TIAM1: variants seen among roughly 807,000 people sequenced by gnomAD.
The protein encoded by TIAM1 is rho guanine nucleotide exchange factor TIAM1.
A neutral mutation model predicts 163.5 loss-of-function variants in TIAM1; 65 were observed. The ratio of observed to expected loss-of-function variants is 0.40; its 90% CI spans 0.33 to 0.49. The LOEUF is 0.49. Among genes scored for constraint, TIAM1 ranks in the 20% least tolerant of loss-of-function variants. The pLI is 0.77. For missense variants in TIAM1, 1,789 were observed against 2,044.7 expected (o/e 0.87, Z 2.41); for synonymous variants, 833 against 810.1 (o/e 1.03, Z -0.48).
intron 15 of TIAM1, among the ~76,000 whole-genome samples, chr21:31,173,567 A>T (rs1167871996): frequency 6.6e-6 from 1 of 152,182 alleles, no homozygotes; most frequent in East Asian, 1.9e-4. Flanking sequence ...GAAAAGAAAG[A>T]AAGAAAGGAA....
intron 2 of TIAM1, among the ~76,000 whole-genome samples, chr21:31,384,920 C>T (rs1257309665): frequency 2.0e-5 from 3 of 152,180 alleles, no homozygotes; most frequent in African/African-American, 7.2e-5. Context: ...TAACCTCACA[C>T]CCACACAAGC....
At chr21:31,415,217 T>C (rs948687003) in intron 2 of TIAM1, among the ~76,000 whole-genome samples, 2 of 152,202 alleles carry the variant, frequency 1.3e-5, no homozygotes, top group African/African-American at 4.8e-5. Context: ...ACAAAGTGCT[T>C]AGCACAAGGT....
chr21:31,516,997 C>G (rs8128278), intron 1 of TIAM1, among the ~76,000 whole-genome samples: 9,025 of 136,172 alleles, frequency 0.066, 728 homozygotes, highest in African/African-American at 0.2. Context: ...TGCAGTGAGC[C>G]AAGATCACGC....
chr21:31,185,169 C>T (rs1287335444), intron 14 of TIAM1, among the ~76,000 whole-genome samples: 2 of 151,956 alleles, frequency 1.3e-5, no homozygotes, highest in African/African-American at 4.8e-5. Flanking sequence ...TTGGATGAAA[C>T]TACAAATCCC....
intron 2 of TIAM1, among the ~76,000 whole-genome samples, chr21:31,310,569 T>C (rs913248977): frequency 2.0e-5 from 3 of 152,192 alleles, no homozygotes; most frequent in Admixed American, 6.5e-5. Context: ...CTGGGAAATT[T>C]ACCCCCATGG....
At chr21:31,342,292 T>C (rs973728071) in intron 1 of TIAM1, among the ~76,000 whole-genome samples, 4 of 151,506 alleles carry the variant, frequency 2.6e-5, no homozygotes, top group African/African-American at 9.7e-5. Context: ...AAAGAAGAAA[T>C]AAGTGAATAA....
rs543175250 is a variant in TIAM1 at position 31,380,657 on chromosome 21, G to A, written c.-368-41235C>T. ...GGGGTATGAATTATAGTTCAATAAA[G>A]CTGTTTTTTAAAAAATCCATCAGAG... On this transcript the variant is annotated intron_variant, in intron 2 of 28. Transcript: ENST00000286827. Among the ~76,000 whole-genome samples, 5 of 152,244 alleles carry A rather than the reference G, an allele frequency of 3.3e-5. No homozygotes were observed. The East Asian group carries it at 9.6e-4, about 29-fold the overall frequency.
chr21:31,439,866 G>C (rs73902340), intron 2 of TIAM1, among the ~76,000 whole-genome samples: 7,123 of 152,142 alleles, frequency 0.047, 560 homozygotes, highest in African/African-American at 0.16. Flanking sequence ...AGAGGGAGGG[G>C]TCTCTCGAAG....
At chr21:31,125,008 G>A (rs1001397517) in intron 26 of TIAM1, among the ~76,000 whole-genome samples, 1 of 152,150 alleles carries the variant, frequency 6.6e-6, no homozygotes, top group African/African-American at 2.4e-5. Context: ...TCAAGGCAGA[G>A]TTTTTCATTA....
At position 31,296,922 on chromosome 21, in the gene TIAM1, C is replaced by T. The variant is rs576619670; in HGVS notation, c.-188-20014G>A. On this transcript the variant is annotated intron_variant, in intron 2 of 27. Coordinates refer to ENST00000541036, the MANE Select transcript of TIAM1 (RefSeq NM_001353694.2). Reference sequence around the variant, plus strand: ...TCATAATCCGCCCGCCTTGGCCTCCCAAAATGCTGGGATTACGGGCATGAG... The same window carrying T: ...TCATAATCCGCCCGCCTTGGCCTCCTAAAATGCTGGGATTACGGGCATGAG... Among the ~76,000 whole-genome samples the T allele has an allele frequency of 1.2e-4, 19 of 152,282 alleles. 1 individual carries two copies. In the East Asian group the frequency reaches 2.9e-3, roughly 23 times the overall value.
At chr21:31,122,291 C>T (rs1179857799) in intron 27 of TIAM1, among the ~76,000 whole-genome samples, 2 of 152,190 alleles carry the variant, frequency 1.3e-5, no homozygotes, top group African/African-American at 4.8e-5. Flanking sequence ...CAAACAAACT[C>T]TGACTTCTAT....
chr21:31,434,477 C>T (rs958844942), intron 2 of TIAM1, among the ~76,000 whole-genome samples: 7 of 152,174 alleles, frequency 4.6e-5, no homozygotes, highest in African/African-American at 1.2e-4. Flanking sequence ...CATGCTAAAG[C>T]GTTTGCTTCT....
chr21:31,365,075 A>C (rs1796286187), intron 2 of TIAM1, among the ~76,000 whole-genome samples: 1 of 152,180 alleles, frequency 6.6e-6, no homozygotes, highest in South Asian at 2.1e-4. Flanking sequence ...CCGCTTAAAA[A>C]TGTAAAAGAC....
At chr21:31,305,902 G>A (rs1030138435) in intron 2 of TIAM1, among the ~76,000 whole-genome samples, 2 of 152,050 alleles carry the variant, frequency 1.3e-5, no homozygotes, top group African/African-American at 4.8e-5. Context: ...GTCTGCTCAC[G>A]GGGGTGACTG....
chr21:31,134,817 G>A (rs2146251620), intron 23 of TIAM1, among the ~76,000 whole-genome samples: 1 of 152,154 alleles, frequency 6.6e-6, no homozygotes, highest in African/African-American at 2.4e-5. Flanking sequence ...GGCCTCCTTT[G>A]TTATTTTTAA....
chr21:31,124,488 A>G lies in TIAM1; in HGVS notation c.4306+34T>C, dbSNP rs2082115993. 2.5e-6 allele frequency: 4 copies of G among 1,610,050 alleles called. No homozygotes were observed. The South Asian group carries it at 4.4e-5, about 18-fold the overall frequency. On this transcript the variant is annotated intron_variant, in intron 27 of 27. Coordinates refer to ENST00000541036, the MANE Select transcript of TIAM1 (RefSeq NM_001353694.2). ...GGAGTTCTACTGCGGAGTGGGGGTG[A>G]CGGGAATCTTGAACGTCCGAATCCC...
chr21:31,208,620 A>G (rs150938911), intron 11 of TIAM1, among the ~76,000 whole-genome samples: 165 of 152,326 alleles, frequency 1.1e-3, no homozygotes, highest in African/African-American at 3.7e-3. Context: ...TTTAGCATCC[A>G]TGTCAGGGCT....
intron 1 of TIAM1, among the ~76,000 whole-genome samples, chr21:31,481,413 G>T (rs1338984514): frequency 1.3e-5 from 2 of 151,976 alleles, no homozygotes; most frequent in African/African-American, 4.8e-5. Flanking sequence ...GCCAACTGAG[G>T]GTCCTACAAT....
chr21:31,287,762 T>C (rs1053937656), intron 2 of TIAM1, among the ~76,000 whole-genome samples: 1 of 152,206 alleles, frequency 6.6e-6, no homozygotes, highest in African/African-American at 2.4e-5. Context: ...GCTGGGGCTA[T>C]GGATGCTACA....
Sources: allele counts gnomAD v4.1 joint callset (sites outside exome capture counted in the v4.1 genomes callset), GRCh38; gene constraint gnomAD v4.1.1; transcripts MANE v1.5; gene names NCBI Gene and HGNC (gene_info 2026-07-23, HGNC 2026-07-21).